The following STK31 variants were observed in gnomAD, a reference collection of about 807,000 sequenced individuals.
STK31 encodes serine/threonine-protein kinase 31.
STK31 carries 89 observed loss-of-function variants against 129.7 expected under a neutral mutation model. The ratio of observed to expected loss-of-function variants is 0.69; its 90% CI spans 0.58 to 0.82. STK31 has a LOEUF of 0.82. Ranked by LOEUF, STK31 falls within the 40% of genes least tolerant of loss-of-function variation. STK31 has a pLI of 0.00. For missense variants in STK31, 1,187 were observed against 1,176.4 expected (o/e 1.01, Z -0.13); for synonymous variants, 448 against 395.3 (o/e 1.13, Z -1.58).
At chr7:23,717,895 C>T (rs1403557810) in intron 4 of STK31, among the ~76,000 whole-genome samples, 1 of 151,876 alleles carries the variant, frequency 6.6e-6, no homozygotes, top group Non-Finnish European at 1.5e-5. Context: ...ATCATAGAGA[C>T]AGAAAAAGTG....
chr7:23,796,551 T>C (rs1357217819), intron 22 of STK31, among the ~76,000 whole-genome samples: 2 of 152,186 alleles, frequency 1.3e-5, no homozygotes, highest in African/African-American at 4.8e-5. Flanking sequence ...CAATGGACTT[T>C]TTTTTGTATA....
chr7:23,831,500 A>G lies in STK31; in HGVS notation c.2830-636A>G, dbSNP rs199749204. ...TTTGCAGCATACAATTGGGTCATTTAAAAAAAAGAAAAACTCCTTTCAACC... is the reference window on the plus strand; with the variant it reads ...TTTGCAGCATACAATTGGGTCATTTGAAAAAAAGAAAAACTCCTTTCAACC... On this transcript the variant is annotated intron_variant, in intron 23 of 23. Coordinates refer to ENST00000355870, the MANE Select transcript of STK31 (RefSeq NM_031414.5). Among the ~76,000 whole-genome samples, 11 of 152,048 alleles carry G rather than the reference A, an allele frequency of 7.2e-5. No individual in the cohort carries two copies. In the East Asian group the frequency reaches 1.9e-3, roughly 27 times the overall value.
intron 22 of STK31, among the ~76,000 whole-genome samples, chr7:23,807,256 A>G (rs1330098784): frequency 1.3e-5 from 2 of 152,154 alleles, no homozygotes; most frequent in East Asian, 1.9e-4. Flanking sequence ...ACAAATTTTT[A>G]GTGTCCTTTA....
At chr7:23,826,017 A>C (rs1184490903) in intron 23 of STK31, among the ~76,000 whole-genome samples, 4 of 152,134 alleles carry the variant, frequency 2.6e-5, no homozygotes, top group African/African-American at 9.7e-5. Context: ...TTTACTTCCA[A>C]GTATGTGGTC....
intron 6 of STK31, among the ~76,000 whole-genome samples, chr7:23,730,878 A>ATATATATATATATATATATTTTTTTTTTT: frequency 5.0e-5 from 3 of 59,536 alleles, no homozygotes; most frequent in East Asian, 4.5e-4. Flanking sequence ...ATATATATAT[A>ATATATATATATATATATATTTTTTTTTTT]TTTTTTTTTT....
chr7:23,824,807 A>G (rs1054763021), intron 23 of STK31, among the ~76,000 whole-genome samples: 1 of 151,240 alleles, frequency 6.6e-6, no homozygotes, highest in Non-Finnish European at 1.5e-5. Context: ...TTTAGCATGA[A>G]GCGTTGTTGA....
At chr7:23,786,998 A>G (rs1045144688) in intron 20 of STK31, 74 bp downstream of exon 20, 2 of 1,402,628 alleles carry the variant, frequency 1.4e-6, no homozygotes, top group East Asian at 2.3e-5. Context: ...ATTCAGGCAT[A>G]CTACATGCTA....
intron 23 of STK31, among the ~76,000 whole-genome samples, chr7:23,828,304 T>TC (rs1488901045): frequency 6.6e-6 from 1 of 152,106 alleles, no homozygotes; most frequent in Non-Finnish European, 1.5e-5. Context: ...CAGGCACCCC[T>TC]CCCCCAGCCT....
chr7:23,812,619 A>G (rs796990803), intron 22 of STK31, among the ~76,000 whole-genome samples: 28 of 152,036 alleles, frequency 1.8e-4, no homozygotes, highest in African/African-American at 5.5e-4. Context: ...AATTTTGAAC[A>G]GTGTACATTG....
intron 23 of STK31, among the ~76,000 whole-genome samples, chr7:23,820,888 C>A (rs1793751524): frequency 6.6e-6 from 1 of 152,122 alleles, no homozygotes; most frequent in African/African-American, 2.4e-5. Context: ...TCCACATTTT[C>A]TTTATATTTC....
chr7:23,809,958 T>C (rs566312854), intron 22 of STK31, among the ~76,000 whole-genome samples: 8 of 152,334 alleles, frequency 5.3e-5, no homozygotes, highest in Admixed American at 2.0e-4. Flanking sequence ...ATTCCTGTTA[T>C]GTATTCCTGC....
chr7:23,730,338 G>A (rs71526027), intron 6 of STK31, among the ~76,000 whole-genome samples: 19,683 of 151,982 alleles, frequency 0.13, 1,544 homozygotes, highest in Middle Eastern at 0.18. Context: ...AGGTGTGTTG[G>A]GTATAGTTTT....
In STK31 at chr7:23,781,217, C is replaced by T. The variant is rs1584435619; in HGVS notation, c.1966-202C>T. On this transcript the variant is annotated intron_variant, in intron 15 of 23. Transcript: ENST00000355870. ...TTTTATGTCTTTACTTTTTGTAATT[C>T]CTTTTTCTAGGTTTCAGAAAAGTCA... 3.9e-5 allele frequency among the ~76,000 whole-genome samples: 6 copies of T among 152,174 alleles called. No homozygotes were observed. The South Asian group carries it at 1.2e-3, about 32-fold the overall frequency.
At chr7:23,747,876 A>G (rs1402863290) in intron 8 of STK31, among the ~76,000 whole-genome samples, 3 of 151,968 alleles carry the variant, frequency 2.0e-5, no homozygotes, top group Non-Finnish European at 4.4e-5. Context: ...TAGCCTGGTT[A>G]TAGTGTTACC....
At chr7:23,744,306 T>C (rs1309224118) in intron 8 of STK31, among the ~76,000 whole-genome samples, 1 of 151,794 alleles carries the variant, frequency 6.6e-6, no homozygotes, top group Non-Finnish European at 1.5e-5. Flanking sequence ...TTTTTTTTTT[T>C]TAATGATACC....
chr7:23,711,429 G>GAA (rs995172446), intron 1 of STK31, among the ~76,000 whole-genome samples: 1 of 125,738 alleles, frequency 8.0e-6, no homozygotes. Flanking sequence ...CGTTTGGGGG[G>GAA]AAAAAAAAAA....
chr7:23,828,547 G>T (rs1240512165), intron 23 of STK31, among the ~76,000 whole-genome samples: 2 of 152,256 alleles, frequency 1.3e-5, no homozygotes, highest in Non-Finnish European at 2.9e-5. Flanking sequence ...CTTCCCGGGT[G>T]AGGCGATGCC....
At chr7:23,783,751 G>T (rs1211209627) in intron 17 of STK31, 88 bp downstream of exon 17, 2 of 1,065,488 alleles carry the variant, frequency 1.9e-6, no homozygotes, top group African/African-American at 3.2e-5. Context: ...TAAACTTATA[G>T]TATCTTTTAA....
chr7:23,742,952 CTTTTTT>C (rs56363240), intron 8 of STK31, among the ~76,000 whole-genome samples: 2 of 115,566 alleles, frequency 1.7e-5, no homozygotes, highest in Non-Finnish European at 1.9e-5. Flanking sequence ...GGGTTTTATA[CTTTTTT>C]TTTTTTTTTT....
Sources: allele counts gnomAD v4.1 joint callset (sites outside exome capture counted in the v4.1 genomes callset), GRCh38; gene constraint gnomAD v4.1.1; transcripts MANE v1.5; gene names NCBI Gene and HGNC (gene_info 2026-07-23, HGNC 2026-07-21).